NFYB: variants seen among roughly 807,000 people sequenced by gnomAD.
NFYB encodes the protein CAAT box DNA-binding protein subunit B.
NFYB carries 13 observed loss-of-function variants against 28.0 expected under a neutral mutation model. The observed-to-expected ratio is 0.46, with a 90% CI of 0.30 to 0.74. NFYB has a LOEUF of 0.74. Ranked by LOEUF, NFYB falls within the 30% of genes least tolerant of loss-of-function variation. The pLI is 0.07. For missense variants in NFYB, 142 were observed against 247.6 expected (o/e 0.57, Z 2.86); for synonymous variants, 74 against 75.0 (o/e 0.99, Z 0.07).
intron 1 of NFYB, 162 bp downstream of exon 1, chr12:104,137,979 G>A (rs2031182917): frequency 6.9e-6 from 1 of 145,692 alleles, no homozygotes. Context: ...CGGCCTCGCA[G>A]GCGCGGGGCC....
chr12:104,123,175 CAAAAAAAAAAAGAAG>C, intron 5 of NFYB, 36 bp downstream of exon 5: 1 of 1,112,872 alleles, frequency 9.0e-7, no homozygotes, highest in Non-Finnish European at 1.2e-6. Flanking sequence ...TACTCCACCT[CAAAAAAAAAAAGAAG>C]AAAAAAAAAA....
chr12:104,126,216 T>C lies in NFYB; in HGVS notation c.129A>G (p.Glu43=). The part of the protein sequence containing the change: ...DDTEDSMNDH[E]DTNGSKESFR... ...AACTTTCTTTTGAACCATTTGTGTC[T>C]TCATGATCATTCATGCTGTCCTCAG... is the stretch of plus-strand genomic sequence containing the variant. The change falls in exon 4 of 8, where the codon GAA becomes GAG. Residue 43 remains glutamate (E), a synonymous_variant. Transcript: ENST00000240055. The C allele has an allele frequency of 6.2e-7, 1 of 1,602,144 alleles. No homozygotes were observed. Among genetic ancestry groups the C allele is most frequent in the Non-Finnish European group, 8.5e-7 (1 of 1,174,852 alleles).
At chr12:104,135,588 A>C (rs2031071214) in intron 1 of NFYB, 56 bp from the exon 2 acceptor site, 2 of 677,060 alleles carry the variant, frequency 3.0e-6, no homozygotes, top group South Asian at 2.7e-5. Context: ...AAATACATCA[A>C]ATGTATCACT....
At chr12:104,121,184 A>G in intron 6 of NFYB, 56 bp downstream of exon 6, 2 of 1,369,776 alleles carry the variant, frequency 1.5e-6, no homozygotes, top group Non-Finnish European at 2.1e-6. Context: ...ACCATTAGAT[A>G]CTTAGTATGA....
At chr12:104,123,484 CA>C (rs1487312171) in intron 4 of NFYB, 61 bp from the exon 5 acceptor site, 1 of 1,393,746 alleles carries the variant, frequency 7.2e-7, no homozygotes, top group Non-Finnish European at 1.0e-6. Context: ...TAACAACCTA[CA>C]AAAATGAAAG....
chr12:104,131,711 A>C lies in NFYB; in HGVS notation c.7-3194T>G, dbSNP rs1399788963. 1.8e-5 allele frequency: 8 copies of C among 455,692 alleles called. No individual in the cohort carries two copies. The East Asian group carries it at 4.9e-4, about 28-fold the overall frequency. The allele number at this position is 455,692 out of a possible 1,614,324, so 28.2% of individuals were successfully genotyped here. On this transcript the variant is annotated intron_variant, in intron 2 of 7. Transcript: ENST00000240055. ...TAAAACAGACTGTAGATTGTCAGTA[A>C]GCCAGCCAACAAATATTTACTGAGT...
chr12:104,123,474 TAAC>T, intron 4 of NFYB, 51 bp from the exon 5 acceptor site: 1 of 1,471,886 alleles, frequency 6.8e-7, no homozygotes, highest in Non-Finnish European at 9.4e-7. Flanking sequence ...ATCACCTTCC[TAAC>T]AACCTACAAA....
intron 2 of NFYB, among the ~76,000 whole-genome samples, chr12:104,134,559 C>A (rs907626980): frequency 2.0e-5 from 3 of 152,184 alleles, no homozygotes; most frequent in Non-Finnish European, 4.4e-5. Flanking sequence ...CCCAGCCCAT[C>A]TTAACATATT....
At chr12:104,131,706 CAGTA>C (rs1407375623) in intron 2 of NFYB, 1 of 455,504 alleles carries the variant, frequency 2.2e-6, no homozygotes, top group Non-Finnish European at 4.4e-6. Context: ...TGTAGATTGT[CAGTA>C]AGCCAGCCAA....
At chr12:104,134,350 G>A (rs1192088070) in intron 2 of NFYB, among the ~76,000 whole-genome samples, 2 of 152,088 alleles carry the variant, frequency 1.3e-5, no homozygotes, top group African/African-American at 4.8e-5. Context: ...CCCATTCCCT[G>A]CAACGGGGAA....
chr12:104,133,874 T>C (rs1187317161), intron 2 of NFYB, among the ~76,000 whole-genome samples: 1 of 152,150 alleles, frequency 6.6e-6, no homozygotes, highest in African/African-American at 2.4e-5. Flanking sequence ...CAGAGATATA[T>C]AAAATCTTAA....
intron 4 of NFYB, among the ~76,000 whole-genome samples, chr12:104,124,901 T>A (rs984522541): frequency 6.6e-6 from 1 of 152,226 alleles, no homozygotes; most frequent in Non-Finnish European, 1.5e-5. Flanking sequence ...AGCTTAGTGA[T>A]GTATTTTAAT....
At chr12:104,119,810 G>T in intron 7 of NFYB, 41 bp from the exon 8 acceptor site, 1 of 1,415,946 alleles carries the variant, frequency 7.1e-7, no homozygotes, top group Non-Finnish European at 9.9e-7. Flanking sequence ...TTAAAGAAAA[G>T]GAGATTAAAA....
At chr12:104,132,912 C>T (rs1007367829) in intron 2 of NFYB, among the ~76,000 whole-genome samples, 3 of 152,070 alleles carry the variant, frequency 2.0e-5, no homozygotes, top group African/African-American at 4.8e-5. Context: ...AGTGATGAAT[C>T]GTTAGACTCA....
At chr12:104,125,849 CAAAAA>C (rs374433754) in intron 4 of NFYB, among the ~76,000 whole-genome samples, 3 of 72,202 alleles carry the variant, frequency 4.2e-5, no homozygotes, top group Admixed American at 3.5e-4. Context: ...ACTCTGTCCC[CAAAAA>C]AAAAAAAAAA....
intron 1 of NFYB, chr12:104,137,703 G>GCGC (rs1041553354): frequency 8.1e-5 from 12 of 148,250 alleles, no homozygotes; most frequent in Non-Finnish European, 1.7e-4. Flanking sequence ...CCGGGGACTC[G>GCGC]CGCCGCCGCC....
At chr12:104,137,986 G>C (rs1195731007) in intron 1 of NFYB, 155 bp downstream of exon 1, 4 of 145,318 alleles carry the variant, frequency 2.8e-5, no homozygotes, top group Non-Finnish European at 3.1e-5. Context: ...GCAGGCGCGG[G>C]GCCCGGCCTC....
Position 104,126,099 on chromosome 12 carries a change from T to C in NFYB, c.231+15A>G, listed in dbSNP as rs957630559. On this transcript the variant is annotated intron_variant, in intron 4 of 7. Coordinates refer to ENST00000240055, the MANE Select transcript of NFYB (RefSeq NM_006166.4). ...TCCCTTGAAAAAACCTAGTTAAATT[T>C]CTCCTCTACGTTACCTTTCCCGTTT... The C allele has an allele frequency of 6.4e-7, 1 of 1,563,408 alleles. No individual in the cohort carries two copies. Among genetic ancestry groups the C allele is most frequent in the African/African-American group, 1.4e-5 (1 of 72,158 alleles).
At chr12:104,135,605 CTTT>C (rs1259083451) in intron 1 of NFYB, 73 bp from the exon 2 acceptor site, 2 of 540,934 alleles carry the variant, frequency 3.7e-6, no homozygotes, top group South Asian at 4.1e-5. Flanking sequence ...CACTTATAGG[CTTT>C]TTTTCTCATA....
Sources: gnomAD v4.1 joint callset for allele counts (sites outside exome capture counted in the v4.1 genomes callset) on GRCh38, gnomAD v4.1.1 for gene constraint, MANE v1.5 for transcripts, NCBI Gene and HGNC (gene_info 2026-07-23, HGNC 2026-07-21) for gene names.